Variants in TJP3 observed in about 807,000 individuals in gnomAD.
The protein encoded by TJP3 is tight junction protein ZO-3.
TJP3 carries 85 observed loss-of-function variants against 104.2 expected under a neutral mutation model. That is an observed-to-expected ratio of 0.82 (90% confidence interval 0.68 to 0.98). TJP3 has a LOEUF of 0.98. TJP3 is among the 50% of genes least tolerant of loss of function. The pLI, the probability that TJP3 is intolerant of heterozygous loss-of-function variation, is 0.00. For missense variants in TJP3, 1,367 were observed against 1,322.8 expected (o/e 1.03, Z -0.52); for synonymous variants, 550 against 550.6 (o/e 1.00, Z 0.02).
intron 6 of TJP3, 105 bp from the exon 7 acceptor site, chr19:3,733,648 C>T (rs1263817755): frequency 2.0e-5 from 30 of 1,516,290 alleles, no homozygotes; most frequent in East Asian, 1.6e-4. Context: ...TTTTAGCAAC[C>T]TCTGGGGGAA....
chr19:3,734,417 G>C lies in TJP3; in HGVS notation c.968G>C (p.Ser323Thr). ...CATGCTCAGCGGAGCCCCGAGGCCA[G>C]CCAGACCGACTCTCCCGTGTAAGTA... Reference protein sequence around the residue: ...PRHAQRSPEASQTDSPVESPR... With the variant: ...PRHAQRSPEATQTDSPVESPR... The change falls in exon 8 of 21, where the codon AGC becomes ACC. Residue 323 changes from serine to threonine, a missense_variant. Physicochemically the swap from Ser to Thr is moderately conservative, Grantham distance 58 (BLOSUM62 1). Transcript: ENST00000541714. 3 of 1,609,778 alleles carry C rather than the reference G, an allele frequency of 1.9e-6. No homozygotes were observed. The highest frequency in any genetic ancestry group is 2.5e-6 in the Non-Finnish European group (3 of 1,178,828).
In TJP3 at chr19:3,730,527, G is replaced by C. The variant is rs751628140; in HGVS notation, c.434G>C (p.Arg145Pro). 3.3e-5 allele frequency: 52 copies of C among 1,594,776 alleles called. No homozygotes were observed. Among genetic ancestry groups the C allele is most frequent in the Non-Finnish European group, 4.2e-5 (49 of 1,173,554 alleles). Residue 145 changes from arginine (R) to proline (P), a missense_variant, in exon 5 of 21, where the codon CGC becomes CCC. Physicochemically the swap from Arg to Pro is moderately radical, Grantham distance 103. Transcript: ENST00000541714. This position sits in a 1 kb window ranked among gnomAD's most constrained non-coding sequence, Gnocchi z 7.3. ...GGCTCCGGCCGCTCCTGGGACGAGC[G>C]CTCCCGCCGGCCGAGGCCTGGTCGC... ...SSGSGRSWDE[R>P]SRRPRPGRRG...
In TJP3 at chr19:3,740,707, C is replaced by T. The variant is rs949046496; in HGVS notation, c.1787C>T (p.Ser596Leu). 1.1e-5 allele frequency: 17 copies of T among 1,604,056 alleles called. No individual in the cohort carries two copies. Among genetic ancestry groups the T allele is most frequent in the Non-Finnish European group, 1.4e-5 (17 of 1,175,954 alleles). The part of the protein sequence containing the change: ...KTTQRSREDL[S>L]ALTRQGRYPP... Reference sequence around the variant, plus strand: ...ACTCAGCGGAGCCGTGAGGACCTCTCAGCTCTGACCCGACAGGGCCGCTAC... The same window carrying T: ...ACTCAGCGGAGCCGTGAGGACCTCTTAGCTCTGACCCGACAGGGCCGCTAC... Residue 596 changes from serine to leucine, a missense_variant, in exon 14 of 21, where the codon TCA becomes TTA. Ser to Leu is a moderately radical substitution (Grantham distance 145). Coordinates refer to ENST00000541714, the MANE Select transcript of TJP3 (RefSeq NM_001267560.2).
chr19:3,745,259 C>T (rs2036871484), intron 15 of TJP3, among the ~76,000 whole-genome samples: 1 of 150,248 alleles, frequency 6.7e-6, no homozygotes, highest in Non-Finnish European at 1.5e-5. Flanking sequence ...GATCCTCCTG[C>T]CTTAGCCACC....
rs1314120038 is a variant in TJP3, at chr19:3,741,161, C to T, written c.1843+398C>T. 3.9e-5 allele frequency among the ~76,000 whole-genome samples: 6 copies of T among 151,908 alleles called. No homozygotes were observed. The East Asian group carries it at 9.7e-4, about 25-fold the overall frequency. ...GATTACAGGCGCCCATCACCCCGCC[C>T]CCAGCTAATTTTTGTATTTTTAGTA... On this transcript the variant is annotated intron_variant, in intron 14 of 20. Coordinates refer to ENST00000541714, the MANE Select transcript of TJP3 (RefSeq NM_001267560.2).
Position 3,719,027 on chromosome 19 carries a change from T to C in TJP3, c.-9-9397T>C, listed in dbSNP as rs990539529. Among the ~76,000 whole-genome samples the C allele has an allele frequency of 9.2e-5, 14 of 151,392 alleles. No individual in the cohort carries two copies. In the East Asian group the frequency reaches 1.4e-3, roughly 15 times the overall value. ...GGTGAAACCCCGTCTCTACTAAAAATACAAAAATTAGCCACGCGTGGTGGC... is the reference window on the plus strand; with the variant it reads ...GGTGAAACCCCGTCTCTACTAAAAACACAAAAATTAGCCACGCGTGGTGGC... On this transcript the variant is annotated intron_variant, in intron 1 of 20. Coordinates refer to ENST00000541714, the MANE Select transcript of TJP3 (RefSeq NM_001267560.2).
Position 3,746,717 on chromosome 19 carries a change from G to A in TJP3, c.2221+22G>A, listed in dbSNP as rs2036898428. 1 of 1,602,968 alleles carries A rather than the reference G, an allele frequency of 6.2e-7. No individual in the cohort carries two copies. The highest frequency in any genetic ancestry group is 8.5e-7 in the Non-Finnish European group (1 of 1,174,860). ...ACAGGTTGGGGGGTGGGTGTCCCAG[G>A]GTAGGCGGGTGGGCCCCAGCCTGAG... On this transcript the variant is annotated intron_variant, in intron 17 of 20. Coordinates refer to ENST00000541714, the MANE Select transcript of TJP3 (RefSeq NM_001267560.2). This position sits in a 1 kb window ranked among gnomAD's most constrained non-coding sequence, Gnocchi z 4.1.
Position 3,746,027 on chromosome 19 carries a change from C to G in TJP3, c.1956C>G (p.Thr652=). ...CGTCCACAGAGACTGTGTCCAGGAC[C>G]GACAGCCCCTCCAAGATCATCAAAC... ...QFEIAETVSR[T]DSPSKIIKLD... is the part of the protein sequence containing the mutation. The change falls in exon 16 of 21, where the codon ACC becomes ACG. Residue 652 remains threonine (T), a synonymous_variant. Transcript: ENST00000541714. The surrounding 1 kb of genome is among the most constrained non-coding windows in gnomAD (Gnocchi z 4.1). 1 of 1,608,240 alleles carries G rather than the reference C, an allele frequency of 6.2e-7. No individual in the cohort carries two copies. Among genetic ancestry groups the G allele is most frequent in the Non-Finnish European group, 8.5e-7 (1 of 1,177,206 alleles).
In TJP3 at chr19:3,730,653, A is replaced by G. The variant is rs755637939; in HGVS notation, c.560A>G (p.Asp187Gly). 1.9e-6 allele frequency: 3 copies of G among 1,611,542 alleles called. No homozygotes were observed. The highest frequency in any genetic ancestry group is 2.5e-6 in the Non-Finnish European group (3 of 1,179,980). ...VSGFKRLPRQ[D>G]VQMKPVKSVL... ...GGCTTTAAGCGGCTGCCACGGCAGG[A>G]CGTGCAGATGAAGCCTGTGAAGTCA... The change falls in exon 5 of 21, where the codon GAC becomes GGC. Residue 187 changes from aspartate (D) to glycine (G), a missense_variant. Transcript: ENST00000541714. This position sits in a 1 kb window ranked among gnomAD's most constrained non-coding sequence, Gnocchi z 7.3.
In TJP3 at chr19:3,730,205, T is replaced by C; in HGVS notation, c.261+75T>C. ...TCGTGCCGCTGTGGGGGTTGTAAGC[T>C]TCTGAGAGCAAGGAGTCATCTTCTC... On this transcript the variant is annotated intron_variant, in intron 4 of 20. Coordinates refer to ENST00000541714, the MANE Select transcript of TJP3 (RefSeq NM_001267560.2). The surrounding 1 kb of genome is among the most constrained non-coding windows in gnomAD (Gnocchi z 7.3). 1 of 1,553,468 alleles carries C rather than the reference T, an allele frequency of 6.4e-7. No individual in the cohort carries two copies. The highest frequency in any genetic ancestry group is 8.9e-7 in the Non-Finnish European group (1 of 1,127,104).
At position 3,733,897 on chromosome 19, in the gene TJP3, A is replaced by G. The variant is rs1259969698; in HGVS notation, c.862A>G (p.Ser288Gly). Residue 288 changes from serine (S) to glycine (G), a missense_variant, in exon 7 of 21, where the codon AGC (serine) becomes GGC (glycine). Transcript: ENST00000541714. Reference sequence around the variant, plus strand: ...TCCGCCTGCTGTCAGTGACAGCGACAGCTCGCCATTGGAGGGTGAGGACCT... The same window carrying G: ...TCCGCCTGCTGTCAGTGACAGCGACGGCTCGCCATTGGAGGGTGAGGACCT... ...NIPPAVSDSDSSPLEDISDLA... is the reference protein window; with the variant it reads ...NIPPAVSDSDGSPLEDISDLA... The G allele has an allele frequency of 6.2e-7, 1 of 1,614,038 alleles. No homozygotes were observed. Among genetic ancestry groups the G allele is most frequent in the African/African-American group, 1.3e-5 (1 of 75,046 alleles).
Position 3,746,364 on chromosome 19 carries a change from A to T in TJP3, c.2011-121A>T. 8.9e-7 allele frequency: 1 copy of T among 1,122,034 alleles called. No individual in the cohort carries two copies. 69.5% of individuals were successfully genotyped at this position (1,122,034 alleles called of 1,614,324 possible). A position where few individuals can be genotyped will look rare whatever the true frequency, so the allele number is the denominator to read the frequency against. On this transcript the variant is annotated intron_variant, in intron 16 of 20. Coordinates refer to ENST00000541714, the MANE Select transcript of TJP3 (RefSeq NM_001267560.2). This position sits in a 1 kb window ranked among gnomAD's most constrained non-coding sequence, Gnocchi z 4.1. ...TTACCACCCCCATCCCCAACTTGCTAGCCTGTGGATGTGAGAGGCTGGGGT... is the reference window on the plus strand; with the variant it reads ...TTACCACCCCCATCCCCAACTTGCTTGCCTGTGGATGTGAGAGGCTGGGGT...
At chr19:3,723,808 AATAT>A (rs201031463) in intron 1 of TJP3, among the ~76,000 whole-genome samples, 22,836 of 128,614 alleles carry the variant, frequency 0.18, 1,999 homozygotes, top group East Asian at 0.33. Flanking sequence ...AAAAAAAAAA[AATAT>A]ATATATATAT....
rs1405626391 is a variant in TJP3 at position 3,750,028 on chromosome 19, T to A, written c.2611-110T>A. The A allele has an allele frequency of 2.2e-6, 3 of 1,375,312 alleles. No homozygotes were observed. The African/African-American group carries it at 4.3e-5, about 20-fold the overall frequency. 85.2% of individuals were successfully genotyped at this position (1,375,312 alleles called of 1,614,324 possible). ...GCAGACTTGTCACGGGGTTAGCAAG[T>A]GGGCAGCATGGCCCGGGCCAAGGTG... On this transcript the variant is annotated intron_variant, in intron 19 of 20. Transcript: ENST00000541714.
At chr19:3,718,879 G>A (rs746895106) in intron 1 of TJP3, among the ~76,000 whole-genome samples, 18 of 152,108 alleles carry the variant, frequency 1.2e-4, no homozygotes, top group South Asian at 4.1e-4. Flanking sequence ...ACAAATACAC[G>A]GCTATTTAAA....
Position 3,746,963 on chromosome 19 carries a change from T to C in TJP3, c.2322+87T>C. 1 of 1,322,336 alleles carries C rather than the reference T, an allele frequency of 7.6e-7. No homozygotes were observed. Among genetic ancestry groups the C allele is most frequent in the Admixed American group, 2.0e-5 (1 of 50,404 alleles). The allele number at this position is 1,322,336 out of a possible 1,614,324, so 81.9% of individuals were successfully genotyped here. A position where few individuals can be genotyped will look rare whatever the true frequency, so the allele number is the denominator to read the frequency against. On this transcript the variant is annotated intron_variant, in intron 18 of 20. Transcript: ENST00000541714. This position sits in a 1 kb window ranked among gnomAD's most constrained non-coding sequence, Gnocchi z 4.1. ...TGGGGTTTGGGGCCTCTGTCGGGAG[T>C]TAGGGCTTGGTCAGGGATCAGGACT...
chr19:3,750,271 C>T, intron 20 of TJP3, 87 bp downstream of exon 20: 1 of 1,555,028 alleles, frequency 6.4e-7, no homozygotes, highest in Non-Finnish European at 8.9e-7. Flanking sequence ...CCAAGCTATG[C>T]CTTCATGGTG....
chr19:3,745,902 C>A, intron 15 of TJP3, 109 bp from the exon 16 acceptor site: 1 of 876,418 alleles, frequency 1.1e-6, no homozygotes, highest in Non-Finnish European at 1.8e-6. Context: ...CTCTCCAGGG[C>A]AATGGGGAGC....
At chr19:3,729,460 C>T (rs1313287393) in intron 3 of TJP3, among the ~76,000 whole-genome samples, 2 of 151,786 alleles carry the variant, frequency 1.3e-5, no homozygotes, top group Non-Finnish European at 2.9e-5. Flanking sequence ...GTGTGGGGAG[C>T]GAGGAGTGAG....
Sources: allele counts gnomAD v4.1 joint callset (sites outside exome capture counted in the v4.1 genomes callset), GRCh38; gene constraint gnomAD v4.1.1; non-coding constraint Gnocchi (gnomAD v3.1); transcripts MANE v1.5; gene names NCBI Gene and HGNC (gene_info 2026-07-23, HGNC 2026-07-21).